BPTF: variants seen among roughly 807,000 people sequenced by gnomAD.
BPTF encodes the protein nucleosome-remodeling factor subunit BPTF.
In BPTF, 18 loss-of-function variants were observed where a neutral mutation model predicts 292.5. The ratio of observed to expected loss-of-function variants is 0.06; its 90% CI spans 0.04 to 0.09. The LOEUF (loss-of-function observed/expected upper bound fraction) is 0.09, where lower values mean the gene tolerates loss of function less well. Among genes scored for constraint, BPTF ranks in the 10% least tolerant of loss-of-function variants. The pLI is 1.00. For synonymous variants in BPTF, 1,225 were observed against 1,251.9 expected, an observed-to-expected ratio of 0.98 and a Z score of 0.45; for missense variants, 2,726 against 3,498.7, an observed-to-expected ratio of 0.78 and a Z score of 5.57.
intron 7 of BPTF, among the ~76,000 whole-genome samples, chr17:67,901,404 A>G (rs2061833745): frequency 6.6e-6 from 1 of 152,136 alleles, no homozygotes; most frequent in Non-Finnish European, 1.5e-5. Context: ...TTTTAAACAG[A>G]TAAAAAATCC....
chr17:67,901,227 A>G (rs2061815967), intron 7 of BPTF, among the ~76,000 whole-genome samples: 1 of 152,102 alleles, frequency 6.6e-6, no homozygotes, highest in African/African-American at 2.4e-5. Flanking sequence ...TGCACATCAC[A>G]AAGGGAAAGC....
At chr17:67,969,573 C>T (rs965313970) in intron 26 of BPTF, among the ~76,000 whole-genome samples, 2 of 144,980 alleles carry the variant, frequency 1.4e-5, no homozygotes, top group Admixed American at 6.9e-5. Context: ...TCTTCGAAAA[C>T]CCATGATTTT....
At position 67,893,586 on chromosome 17, in the gene BPTF, A is replaced by C; in HGVS notation, c.2272A>C (p.Thr758Pro). Residue 758 changes from threonine to proline, a missense_variant, in exon 6 of 28, where the codon ACT (threonine) becomes CCT (proline). Coordinates refer to ENST00000306378, the MANE Select transcript of BPTF (RefSeq NM_182641.4). ...RRHLAHKFCL[T>P]PAGEFKWNGS... Reference sequence around the variant, plus strand: ...GCATCTTGCACATAAGTTCTGTCTGACTCCAGCAGGAGAGTTCAAATGGAA... The same window carrying C: ...GCATCTTGCACATAAGTTCTGTCTGCCTCCAGCAGGAGAGTTCAAATGGAA... 6.2e-7 allele frequency: 1 copy of C among 1,612,984 alleles called. No homozygotes were observed. Among genetic ancestry groups the C allele is most frequent in the South Asian group, 1.1e-5 (1 of 91,056 alleles).
chr17:67,853,956 A>G lies in BPTF; in HGVS notation c.630A>G (p.Arg210=), dbSNP rs2058562111. 1 of 1,609,788 alleles carries G rather than the reference A, an allele frequency of 6.2e-7. No homozygotes were observed. The highest frequency in any genetic ancestry group is 1.3e-5 in the African/African-American group (1 of 74,894). The part of the protein sequence containing the change: ...YSSTPGRRKP[R]VHRPRSPILE... ...TATCTACAGGTAGGCGAAAACCAAG[A>G]GTACATCGGCCTCGTTCTCCTATAT... The change falls in exon 2 of 28, where the codon AGA becomes AGG. Residue 210 remains arginine (R), a synonymous_variant. Coordinates refer to ENST00000306378, the MANE Select transcript of BPTF (RefSeq NM_182641.4).
chr17:67,936,805 A>G (rs2064953116), intron 18 of BPTF: 1 of 152,238 alleles, frequency 6.6e-6, no homozygotes, highest in African/African-American at 2.4e-5. Context: ...ATAAGCATTC[A>G]TTTAATCTTC....
chr17:67,844,279 G>A (rs1309123196), intron 1 of BPTF, among the ~76,000 whole-genome samples: 1 of 147,888 alleles, frequency 6.8e-6, no homozygotes, highest in Non-Finnish European at 1.5e-5. Flanking sequence ...ACGGAGTCTA[G>A]CTCTGTTGCC....
intron 18 of BPTF, among the ~76,000 whole-genome samples, chr17:67,936,167 A>G (rs1231184370): frequency 6.6e-6 from 1 of 152,184 alleles, no homozygotes; most frequent in Non-Finnish European, 1.5e-5. Flanking sequence ...CATTTTACTA[A>G]TTTAGCACCA....
rs1555673333 is a variant in BPTF, at chr17:67,944,282, G to A, written c.6610G>A (p.Gly2204Ser). Residue 2204 changes from glycine to serine, a missense_variant, in exon 20 of 28, where the codon GGT (glycine) becomes AGT (serine). This residue lies in a region of BPTF where 570 missense variants were observed against 633.5 expected (regional missense o/e 0.90). Transcript: ENST00000306378. ...GCTAATGCAAGCTGCAATGCCAAAT[G>A]GTACTGTTCAGCGATTCCTCTTTAC... ...QQLMQAAMPN[G>S]TVQRFLFTPL... 6.2e-7 allele frequency: 1 copy of A among 1,614,154 alleles called. No homozygotes were observed.
Position 67,825,908 on chromosome 17 carries a change from A to G in BPTF, c.184A>G (p.Thr62Ala). 2.0e-6 allele frequency: 2 copies of G among 1,011,250 alleles called. No individual in the cohort carries two copies. Among genetic ancestry groups the G allele is most frequent in the Non-Finnish European group, 2.4e-6 (2 of 849,046 alleles). 62.6% of individuals were successfully genotyped at this position (1,011,250 alleles called of 1,614,324 possible). Residue 62 changes from threonine (T) to alanine (A), a missense_variant, in exon 1 of 28, where the codon ACG becomes GCG. Thr to Ala is a moderately conservative substitution (Grantham distance 58, BLOSUM62 0). Around this residue, in one of 22 missense-constraint regions of BPTF, gnomAD observed 103 missense variants for 72.1 expected, o/e 1.43. Transcript: ENST00000306378. ...CGCCCAGGCTGAGGTGGCGCCCAAGACGCGGCTGAGCTCGCCCAGGGGGGG... is the reference window on the plus strand; with the variant it reads ...CGCCCAGGCTGAGGTGGCGCCCAAGGCGCGGCTGAGCTCGCCCAGGGGGGG... ...AAAQAEVAPK[T>A]RLSSPRGGSS...
chr17:67,826,588 C>CCCA (rs2056079056), intron 1 of BPTF, among the ~76,000 whole-genome samples: 2 of 147,976 alleles, frequency 1.4e-5, no homozygotes. Context: ...TCTCCCCCCC[C>CCCA]CAACCCCCTT....
chr17:67,870,351 AG>A (rs1226608891), intron 3 of BPTF, among the ~76,000 whole-genome samples: 1 of 151,684 alleles, frequency 6.6e-6, no homozygotes, highest in Admixed American at 6.6e-5. Context: ...GGGGAAGAGA[AG>A]GGGACACGGA....
intron 1 of BPTF, among the ~76,000 whole-genome samples, chr17:67,853,170 G>T (rs2058511872): frequency 6.6e-6 from 1 of 152,182 alleles, no homozygotes; most frequent in African/African-American, 2.4e-5. Context: ...AAAACTCTCA[G>T]TTATTTATAT....
intron 7 of BPTF, among the ~76,000 whole-genome samples, chr17:67,894,368 G>A (rs2061312644): frequency 6.6e-6 from 1 of 151,324 alleles, no homozygotes; most frequent in Admixed American, 6.6e-5. Context: ...TTGCACTGTT[G>A]CCCAGGCTAG....
At chr17:67,857,802 T>G (rs1598282860) in intron 2 of BPTF, among the ~76,000 whole-genome samples, 3 of 139,164 alleles carry the variant, frequency 2.2e-5, no homozygotes, top group African/African-American at 9.5e-5. Flanking sequence ...TTTTTTTTTT[T>G]TTGAGACAGC....
chr17:67,972,210 T>C (rs546930554), intron 26 of BPTF, among the ~76,000 whole-genome samples: 5 of 152,208 alleles, frequency 3.3e-5, no homozygotes, highest in Admixed American at 1.3e-4. Context: ...TGGATTGTTA[T>C]CAGTATTATT....
chr17:67,851,674 A>G (rs2144884829), intron 1 of BPTF, among the ~76,000 whole-genome samples: 1 of 152,286 alleles, frequency 6.6e-6, no homozygotes, highest in South Asian at 2.1e-4. Flanking sequence ...GTTGTGGGCA[A>G]ACAGGTGTGC....
intron 15 of BPTF, among the ~76,000 whole-genome samples, chr17:67,924,834 G>C (rs143388421): frequency 1.3e-5 from 2 of 151,972 alleles, no homozygotes; most frequent in Non-Finnish European, 2.9e-5. Flanking sequence ...ACAGCTCACC[G>C]AGCCTCGACA....
chr17:67,910,028 C>T (rs2062545210), intron 10 of BPTF, among the ~76,000 whole-genome samples: 2 of 152,270 alleles, frequency 1.3e-5, no homozygotes, highest in South Asian at 4.1e-4. Context: ...AGTTACTTCC[C>T]AACCCCTCCC....
intron 1 of BPTF, among the ~76,000 whole-genome samples, chr17:67,850,950 G>C (rs1431406208): frequency 6.6e-6 from 1 of 152,150 alleles, no homozygotes; most frequent in Non-Finnish European, 1.5e-5. Flanking sequence ...TGGCAATGCA[G>C]ATATAATAAA....
Sources: gnomAD v4.1 joint callset for allele counts (sites outside exome capture counted in the v4.1 genomes callset) on GRCh38, gnomAD v4.1.1 for gene constraint, gnomAD v4.1.1 regional missense constraint, MANE v1.5 for transcripts, NCBI Gene and HGNC (gene_info 2026-07-23, HGNC 2026-07-21) for gene names.